FMN2: variants seen among roughly 807,000 people sequenced by gnomAD.
FMN2 encodes the protein formin 2.
In FMN2, 51 loss-of-function variants were observed where a neutral mutation model predicts 142.3. That is an observed-to-expected ratio of 0.36 (90% confidence interval 0.29 to 0.45). FMN2 has a LOEUF of 0.45. Ranked by LOEUF, FMN2 falls within the 20% of genes least tolerant of loss-of-function variation. The probability of loss-of-function intolerance (pLI) is 1.00; values close to 1 mark genes in which losing one functional copy is unlikely to be tolerated. For missense variants in FMN2, 1,936 were observed against 2,122.8 expected (o/e 0.91, Z 1.73); for synonymous variants, 882 against 869.8 (o/e 1.01, Z -0.25).
chr1:240,176,929 T>C (rs1383426608), intron 2 of FMN2, among the ~76,000 whole-genome samples: 1 of 152,234 alleles, frequency 6.6e-6, no homozygotes. Context: ...CTGGAGATTA[T>C]TTTATGAATT....
At chr1:240,191,284 G>T (rs1665686351) in intron 4 of FMN2, among the ~76,000 whole-genome samples, 1 of 152,182 alleles carries the variant, frequency 6.6e-6, no homozygotes, top group African/African-American at 2.4e-5. Flanking sequence ...GATATCCCTA[G>T]AAAAAACACA....
chr1:240,115,166 T>C (rs1469143099), intron 1 of FMN2, among the ~76,000 whole-genome samples: 1 of 152,232 alleles, frequency 6.6e-6, no homozygotes, highest in Admixed American at 6.5e-5. Flanking sequence ...ATTTAATATG[T>C]TTAAATCAAT....
chr1:240,420,810 C>T (rs1674736257), intron 15 of FMN2, among the ~76,000 whole-genome samples: 1 of 152,214 alleles, frequency 6.6e-6, no homozygotes, highest in African/African-American at 2.4e-5. Context: ...TGTCCCAGAA[C>T]TCCATCTCAG....
chr1:240,210,840 G>A (rs1458036419), intron 5 of FMN2, among the ~76,000 whole-genome samples: 1 of 152,154 alleles, frequency 6.6e-6, no homozygotes, highest in Non-Finnish European at 1.5e-5. Context: ...GTGGCCTGAT[G>A]ACTGAGGCTT....
intron 16 of FMN2, among the ~76,000 whole-genome samples, chr1:240,469,721 ATCC>A (rs1676748369): frequency 6.6e-6 from 1 of 152,162 alleles, no homozygotes; most frequent in South Asian, 2.1e-4. Flanking sequence ...CCCACCCAGG[ATCC>A]TCCTCCAGGA....
At chr1:240,379,734 A>T (rs1673163646) in intron 14 of FMN2, among the ~76,000 whole-genome samples, 1 of 152,114 alleles carries the variant, frequency 6.6e-6, no homozygotes, top group African/African-American at 2.4e-5. Flanking sequence ...GGTTCTTTTC[A>T]ATTAAGTCCG....
Position 240,452,178 on chromosome 1 carries a change from A to C in FMN2, c.5060+13968A>C, listed in dbSNP as rs55903240. On this transcript the variant is annotated intron_variant, in intron 16 of 17. Transcript: ENST00000319653. ...CGCACTCCAGCCTGGGCGACAGAGC[A>C]AGACTCTGTCTCAAAAAAATAAATA... Among the ~76,000 whole-genome samples, 1,225 of 152,128 alleles carry C rather than the reference A, an allele frequency of 8.1e-3. 10 individuals carry two copies. The highest frequency in any genetic ancestry group is 0.011 in the Non-Finnish European group (777 of 67,988).
intron 16 of FMN2, among the ~76,000 whole-genome samples, chr1:240,462,810 A>G (rs1676488594): frequency 6.6e-6 from 1 of 152,052 alleles, no homozygotes. Context: ...TCTGGGGGGG[A>G]AAGAAGTATG....
chr1:240,180,353 G>A (rs1189692614), intron 3 of FMN2, among the ~76,000 whole-genome samples: 1 of 151,990 alleles, frequency 6.6e-6, no homozygotes, highest in Non-Finnish European at 1.5e-5. Context: ...CTCGTTCCCA[G>A]AACCATACCA....
intron 16 of FMN2, among the ~76,000 whole-genome samples, chr1:240,464,478 A>G (rs1676549304): frequency 6.6e-6 from 1 of 152,220 alleles, no homozygotes; most frequent in African/African-American, 2.4e-5. Flanking sequence ...ACAGATACAC[A>G]GAATATCTGT....
intron 16 of FMN2, among the ~76,000 whole-genome samples, chr1:240,438,687 A>T (rs552416452): frequency 6.6e-6 from 1 of 152,324 alleles, no homozygotes; most frequent in South Asian, 2.1e-4. Context: ...ACCTTTCAAG[A>T]TTCTTGTAGA....
chr1:240,357,784 T>G (rs1258875879), intron 14 of FMN2, among the ~76,000 whole-genome samples: 1 of 152,136 alleles, frequency 6.6e-6, no homozygotes, highest in Non-Finnish European at 1.5e-5. Context: ...ATTTTTTGTA[T>G]TTTTAGTAGA....
At chr1:240,227,790 C>T (rs1667366961) in intron 6 of FMN2, among the ~76,000 whole-genome samples, 1 of 152,022 alleles carries the variant, frequency 6.6e-6, no homozygotes, top group Non-Finnish European at 1.5e-5. Flanking sequence ...ATCTATGACT[C>T]TAAAAGCACA....
chr1:240,274,426 G>GT (rs1669124130), intron 7 of FMN2, among the ~76,000 whole-genome samples: 1 of 152,140 alleles, frequency 6.6e-6, no homozygotes, highest in African/African-American at 2.4e-5. Flanking sequence ...CGATGTGAGA[G>GT]TGCCTGGAGA....
intron 6 of FMN2, among the ~76,000 whole-genome samples, chr1:240,219,790 G>A (rs1667038558): frequency 1.3e-5 from 2 of 151,860 alleles, no homozygotes; most frequent in Non-Finnish European, 2.9e-5. Flanking sequence ...ACGTAGCTGG[G>A]ACTCTAGGTG....
intron 13 of FMN2, among the ~76,000 whole-genome samples, chr1:240,346,401 C>A (rs1038124423): frequency 6.6e-6 from 1 of 151,782 alleles, no homozygotes; most frequent in East Asian, 1.9e-4. Flanking sequence ...TCTTAAAATG[C>A]GGTAATATTT....
At chr1:240,376,954 C>T (rs1673068274) in intron 14 of FMN2, among the ~76,000 whole-genome samples, 2 of 152,182 alleles carry the variant, frequency 1.3e-5, no homozygotes, top group African/African-American at 4.8e-5. Flanking sequence ...AGTATACTGT[C>T]ATTCTCCCTT....
Position 240,159,193 on chromosome 1 carries a change from GT to G in FMN2, c.1783-18718del, listed in dbSNP as rs151193195. ...AATTATAAAGACTGCCTTTTTCTGT[GT>G]TTTTTTTTTAAATCCACCCTATGAA... On this transcript the variant is annotated intron_variant, in intron 2 of 17. Transcript: ENST00000319653. Among the ~76,000 whole-genome samples, 38 of 147,732 alleles carry G rather than the reference GT, an allele frequency of 2.6e-4. 1 individual carries two copies. The highest frequency in any genetic ancestry group is 2.2e-3 in the East Asian group (11 of 5,024).
intron 6 of FMN2, among the ~76,000 whole-genome samples, chr1:240,229,338 C>G (rs772452831): frequency 6.6e-6 from 1 of 152,142 alleles, no homozygotes; most frequent in African/African-American, 2.4e-5. Flanking sequence ...ATTCTTCCCC[C>G]TCTTCCTCAC....
Sources: allele counts gnomAD v4.1 joint callset (sites outside exome capture counted in the v4.1 genomes callset), GRCh38; gene constraint gnomAD v4.1.1; transcripts MANE v1.5; gene names NCBI Gene and HGNC (gene_info 2026-07-23, HGNC 2026-07-21).